The following CTNNA2 variants were observed in gnomAD, a reference collection of about 807,000 sequenced individuals.
The protein encoded by CTNNA2 is catenin alpha 2.
CTNNA2 carries 42 observed loss-of-function variants against 101.0 expected under a neutral mutation model. The observed-to-expected ratio is 0.42, with a 90% confidence interval of 0.32 to 0.54. The LOEUF (loss-of-function observed/expected upper bound fraction) is 0.54, where lower values mean the gene tolerates loss of function less well. Ranked by LOEUF, CTNNA2 falls within the 20% of genes least tolerant of loss-of-function variation. CTNNA2 has a pLI of 0.14. For missense variants in CTNNA2, 871 were observed against 1,223.1 expected, an observed-to-expected ratio of 0.71 and a Z score of 4.29; for synonymous variants, 450 against 456.4, an observed-to-expected ratio of 0.99 and a Z score of 0.18.
Position 80,503,754 on chromosome 2 carries a change from G to A in CTNNA2, c.1291-41228G>A, listed in dbSNP as rs77195860. Among the ~76,000 whole-genome samples the A allele has an allele frequency of 1.4e-3, 209 of 152,180 alleles. 1 individual carries two copies. The highest frequency in any genetic ancestry group is 6.8e-3 in the Middle Eastern group (2 of 294). On this transcript the variant is annotated intron_variant, in intron 9 of 18. Coordinates refer to ENST00000402739, the MANE Select transcript of CTNNA2 (RefSeq NM_001282597.3). ...GGCCAAACAGGTCAGTGTCAGTTTG[G>A]GTCCAGAGCCTGGAAAGAGGATCAG...
chr2:79,751,967 A>G (rs772677384), intron 3 of CTNNA2, among the ~76,000 whole-genome samples: 5 of 152,190 alleles, frequency 3.3e-5, no homozygotes, highest in Admixed American at 6.5e-5. Flanking sequence ...AATCTTTTTC[A>G]ACTTACTGAA....
rs143593026 is a variant in CTNNA2 at position 79,304,881 on chromosome 2, G to T, written c.-405-7828G>T. Among the ~76,000 whole-genome samples, 70 of 152,278 alleles carry T rather than the reference G, an allele frequency of 4.6e-4. 1 individual carries two copies. The highest frequency in any genetic ancestry group is 1.7e-3 in the African/African-American group (70 of 41,560). On this transcript the variant is annotated intron_variant, in intron 2 of 21. Coordinates refer to the CTNNA2 transcript ENST00000466387. ...ATGAAGAAATGAATTGCTGACTAAA[G>T]TAGTGGGTTTTATTGAATACCAACT...
intron 14 of CTNNA2, among the ~76,000 whole-genome samples, chr2:80,585,719 C>G (rs975004106): frequency 3.3e-5 from 5 of 152,106 alleles, no homozygotes; most frequent in Non-Finnish European, 5.9e-5. Flanking sequence ...CTAATTAAAA[C>G]TCATGTGTTG....
intron 12 of CTNNA2, among the ~76,000 whole-genome samples, chr2:80,567,302 A>G (rs564604312): frequency 6.6e-6 from 1 of 152,344 alleles, no homozygotes; most frequent in African/African-American, 2.4e-5. Context: ...TCTGTTCTTA[A>G]GTGGAACTAA....
chr2:79,261,368 AG>A (rs1674919292), intron 2 of CTNNA2, among the ~76,000 whole-genome samples: 1 of 152,246 alleles, frequency 6.6e-6, no homozygotes, highest in Admixed American at 6.6e-5. Flanking sequence ...ATCTCACTAT[AG>A]GAAGTGAGGG....
At chr2:80,512,677 C>CT (rs5832456) in intron 9 of CTNNA2, among the ~76,000 whole-genome samples, 4 of 151,414 alleles carry the variant, frequency 2.6e-5, no homozygotes, top group East Asian at 1.9e-4. Context: ...TTTTTAAATT[C>CT]TTTTTTTTTG....
upstream of CTNNA2, among the ~76,000 whole-genome samples, chr2:79,508,230 C>T (rs1359461332): frequency 6.6e-6 from 1 of 152,104 alleles, no homozygotes; most frequent in Non-Finnish European, 1.5e-5. Flanking sequence ...ATATACACAC[C>T]TTAGACTTCT....
At chr2:80,624,832 G>A (rs530888060) in intron 18 of CTNNA2, among the ~76,000 whole-genome samples, 3 of 151,926 alleles carry the variant, frequency 2.0e-5, no homozygotes, top group Non-Finnish European at 2.9e-5. Flanking sequence ...TAAGGTTGAC[G>A]ACCTAAGGAT....
intron 7 of CTNNA2, among the ~76,000 whole-genome samples, chr2:80,339,811 G>A (rs1354132521): frequency 1.3e-5 from 2 of 152,160 alleles, no homozygotes; most frequent in Non-Finnish European, 2.9e-5. Flanking sequence ...GACAACAGAT[G>A]ACTTTGAGCT....
rs891385307 is a variant in CTNNA2, at chr2:80,303,483, G to T, written c.1057-89728G>T. On this transcript the variant is annotated intron_variant, in intron 7 of 18. Coordinates refer to ENST00000402739, the MANE Select transcript of CTNNA2 (RefSeq NM_001282597.3). The surrounding 1 kb of genome is among the most constrained non-coding windows in gnomAD (Gnocchi z 7.7). ...CTCAGCGTGAGTTCCTTAACTCGGC[G>T]CAGTTTCTGAAAGGCGTCCCCCTGC... is the stretch of plus-strand genomic sequence containing the variant. 1.2e-6 allele frequency: 2 copies of T among 1,614,248 alleles called. No individual in the cohort carries two copies. The highest frequency in any genetic ancestry group is 1.7e-5 in the Admixed American group (1 of 60,028).
chr2:80,398,797 G>A (rs573929137), intron 8 of CTNNA2, among the ~76,000 whole-genome samples: 8 of 151,522 alleles, frequency 5.3e-5, no homozygotes, highest in Admixed American at 4.6e-4. Context: ...AGCCCAGGAG[G>A]TGGAGGTTGC....
At chr2:80,534,914 T>A (rs1041274372) in intron 9 of CTNNA2, among the ~76,000 whole-genome samples, 1 of 152,142 alleles carries the variant, frequency 6.6e-6, no homozygotes, top group African/African-American at 2.4e-5. Context: ...CTCCCCTAAA[T>A]GCATGACAGC....
chr2:79,361,627 T>A (rs548986525), intron 3 of CTNNA2, among the ~76,000 whole-genome samples: 3 of 152,138 alleles, frequency 2.0e-5, no homozygotes, highest in Non-Finnish European at 4.4e-5. Flanking sequence ...GGGATAGAAC[T>A]AATAGGATAT....
chr2:79,915,228 A>T (rs1686109271), intron 7 of CTNNA2, among the ~76,000 whole-genome samples: 1 of 152,096 alleles, frequency 6.6e-6, no homozygotes, highest in Non-Finnish European at 1.5e-5. Flanking sequence ...CATCCCCCAA[A>T]ATAACTGCTA....
intron 9 of CTNNA2, among the ~76,000 whole-genome samples, chr2:80,542,437 T>C (rs1691654119): frequency 6.6e-6 from 1 of 152,126 alleles, no homozygotes; most frequent in Non-Finnish European, 1.5e-5. Context: ...ACCTTTTCTT[T>C]TTTTGGCAAG....
At chr2:80,036,835 G>A (rs1558748971) in intron 7 of CTNNA2, among the ~76,000 whole-genome samples, 2 of 76,068 alleles carry the variant, frequency 2.6e-5, no homozygotes, top group Non-Finnish European at 5.7e-5. Context: ...GTGTGTGTGT[G>A]TGTGTGTGTG....
At chr2:79,759,815 T>C (rs1239232292) in intron 3 of CTNNA2, among the ~76,000 whole-genome samples, 4 of 152,234 alleles carry the variant, frequency 2.6e-5, no homozygotes, top group African/African-American at 9.6e-5. Context: ...GATATTGCTA[T>C]TTAATATAGC....
intron 3 of CTNNA2, among the ~76,000 whole-genome samples, chr2:79,763,075 CT>C (rs1672908540): frequency 6.6e-6 from 1 of 152,080 alleles, no homozygotes; most frequent in South Asian, 2.1e-4. Flanking sequence ...AGAAACTATT[CT>C]TTTATTTGAC....
intron 7 of CTNNA2, among the ~76,000 whole-genome samples, chr2:80,000,640 C>G (rs555822520): frequency 6.6e-6 from 1 of 152,234 alleles, no homozygotes; most frequent in South Asian, 2.1e-4. Context: ...AGAGATACAA[C>G]TTTGCATGTT....
Sources: allele counts gnomAD v4.1 joint callset (sites outside exome capture counted in the v4.1 genomes callset), GRCh38; gene constraint gnomAD v4.1.1; non-coding constraint Gnocchi (gnomAD v3.1); transcripts MANE v1.5; gene names NCBI Gene and HGNC (gene_info 2026-07-23, HGNC 2026-07-21).